ADAMTSL2: variants seen among roughly 807,000 people sequenced by gnomAD.
ADAMTSL2 encodes the protein ADAMTS-like protein 2.
Under a neutral mutation model 117.0 loss-of-function variants are expected in ADAMTSL2, and 55 were observed. That is an observed-to-expected ratio of 0.47 (90% confidence interval 0.38 to 0.59). The LOEUF is 0.59. Among genes scored for constraint, ADAMTSL2 ranks in the 20% least tolerant of loss-of-function variants. The pLI is 0.00. For missense variants in ADAMTSL2, 1,182 were observed against 1,354.5 expected, an observed-to-expected ratio of 0.87 and a Z score of 2.00; for synonymous variants, 572 against 566.4, an observed-to-expected ratio of 1.01 and a Z score of -0.14.
chr9:133,574,896 A>G lies in ADAMTSL2; in HGVS notation c.*32A>G. 6.5e-7 allele frequency: 1 copy of G among 1,532,380 alleles called. No homozygotes were observed. Among genetic ancestry groups the G allele is most frequent in the Non-Finnish European group, 9.0e-7 (1 of 1,115,826 alleles). 94.9% of individuals were successfully genotyped at this position (1,532,380 alleles called of 1,614,324 possible). On this transcript the variant is annotated 3_prime_UTR_variant, in exon 19 of 19. Transcript: ENST00000651351. Reference sequence around the variant, plus strand: ...CAGCTGCAGCCCCTTCCAGATGAAGACCAAGCGCCCCTCCTGGGGCTGCTG... The same window carrying G: ...CAGCTGCAGCCCCTTCCAGATGAAGGCCAAGCGCCCCTCCTGGGGCTGCTG...
chr9:133,541,630 C>G (rs1214325610), intron 7 of ADAMTSL2, among the ~76,000 whole-genome samples: 1 of 152,216 alleles, frequency 6.6e-6, no homozygotes, highest in African/African-American at 2.4e-5. Context: ...GCCCAAGACC[C>G]ATTCTCTCCA....
chr9:133,572,513 G>A (rs1831131058), intron 17 of ADAMTSL2, among the ~76,000 whole-genome samples: 1 of 152,174 alleles, frequency 6.6e-6, no homozygotes, highest in Non-Finnish European at 1.5e-5. Context: ...AGCCAGCCCA[G>A]GTCTGTAGTT....
Position 133,547,045 on chromosome 9 carries a change from A to G in ADAMTSL2, c.771A>G (p.Ala257=), listed in dbSNP as rs531270576. The change falls in exon 9 of 19, where the codon GCA becomes GCG. Residue 257 remains alanine, a synonymous_variant. Transcript: ENST00000651351. The part of the protein sequence containing the change: ...RKKSADVLAL[A]DEAGYYFFNG... ...GCGGCTTTGCCCTTCCAGCTCTTGC[A>G]GACGAAGCTGGCTACTACTTCTTCA... is the stretch of plus-strand genomic sequence containing the variant. 3.1e-6 allele frequency: 5 copies of G among 1,613,768 alleles called. No homozygotes were observed. The highest frequency in any genetic ancestry group is 4.5e-5 in the East Asian group (2 of 44,870).
Position 133,573,962 on chromosome 9 carries a change from G to T in ADAMTSL2, c.2712G>T (p.Leu904=). 1 of 1,613,794 alleles carries T rather than the reference G, an allele frequency of 6.2e-7. No homozygotes were observed. The highest frequency in any genetic ancestry group is 8.5e-7 in the Non-Finnish European group (1 of 1,179,980). The part of the protein sequence containing the change: ...VKPVGRQACD[L]QPCPTEPPDD... The stretch of plus-strand genomic sequence containing the variant: ...CCGTTGGCAGACAGGCCTGTGATCT[G>T]CAGCCCTGCCCCACGGAGCCCCCAG... The change falls in exon 18 of 19, where the codon CTG becomes CTT. Residue 904 remains leucine, a synonymous_variant. Coordinates refer to ENST00000651351, the MANE Select transcript of ADAMTSL2 (RefSeq NM_014694.4).
At chr9:133,537,162 C>G (rs979762578) in intron 2 of ADAMTSL2, among the ~76,000 whole-genome samples, 2 of 152,206 alleles carry the variant, frequency 1.3e-5, no homozygotes, top group African/African-American at 2.4e-5. Context: ...GCTTGCCAAG[C>G]CCCCAGGCCA....
At chr9:133,539,930 C>G (rs1346480489) in intron 5 of ADAMTSL2, 57 bp downstream of exon 5, 2 of 1,501,410 alleles carry the variant, frequency 1.3e-6, no homozygotes, top group African/African-American at 1.4e-5. Flanking sequence ...TTGGGGGTAG[C>G]CCTTCCGGCA....
chr9:133,539,587 C>G lies in ADAMTSL2; in HGVS notation c.310-184C>G, dbSNP rs538400527. Reference sequence around the variant, plus strand: ...AGCTGCCCTTTCCTGCGTCCTTGCTCCCTCCTGAGAGCGCATGGGAGCGCG... The same window carrying G: ...AGCTGCCCTTTCCTGCGTCCTTGCTGCCTCCTGAGAGCGCATGGGAGCGCG... On this transcript the variant is annotated intron_variant, in intron 4 of 18. Coordinates refer to ENST00000651351, the MANE Select transcript of ADAMTSL2 (RefSeq NM_014694.4). Among the ~76,000 whole-genome samples, 5 of 107,170 alleles carry G rather than the reference C, an allele frequency of 4.7e-5. No homozygotes were observed. In the South Asian group the frequency reaches 1.7e-3, roughly 37 times the overall value. The allele number at this position is 107,170 out of a possible 152,430, so 70.3% of individuals were successfully genotyped here.
chr9:133,561,549 T>G (rs942464926), intron 12 of ADAMTSL2, among the ~76,000 whole-genome samples: 15 of 152,204 alleles, frequency 9.9e-5, no homozygotes, highest in African/African-American at 3.4e-4. Context: ...TACCACCCAT[T>G]GGTGGTAGCC....
chr9:133,557,107 G>A lies in ADAMTSL2; in HGVS notation c.1649+1177G>A, dbSNP rs1179499244. On this transcript the variant is annotated intron_variant, in intron 11 of 18. Transcript: ENST00000651351. This position sits in a 1 kb window ranked among gnomAD's most constrained non-coding sequence, Gnocchi z 5.2. ...GAGTGGGTCTTCCTTGGGGCTCAGG[G>A]ACTGAATTTGATGGGAGATTCAGGG... Among the ~76,000 whole-genome samples the A allele has an allele frequency of 6.6e-6, 1 of 152,176 alleles. No homozygotes were observed. The highest frequency in any genetic ancestry group is 1.5e-5 in the Non-Finnish European group (1 of 68,026).
At position 133,567,165 on chromosome 9, in the gene ADAMTSL2, G is replaced by A. The variant is rs982341930; in HGVS notation, c.1874+103G>A. The A allele has an allele frequency of 1.9e-5, 28 of 1,441,304 alleles. No homozygotes were observed. In the African/African-American group the frequency reaches 2.1e-4, roughly 11 times the overall value. 89.3% of individuals were successfully genotyped at this position (1,441,304 alleles called of 1,614,324 possible). On this transcript the variant is annotated intron_variant, in intron 13 of 18. Coordinates refer to ENST00000651351, the MANE Select transcript of ADAMTSL2 (RefSeq NM_014694.4). ...ACCCCCTGCCCCGTAGAGGTTCTTC[G>A]TGTGCAGGGCCGTGGGGGCTCTTCG...
rs142777315 is a variant in ADAMTSL2 at position 133,544,477 on chromosome 9, T to C, written c.690T>C (p.Ser230=). ...YRKGNAHLGY[S]LVTHIPAGAR... ...TCATCCTTTTGCCTCCAGGTTACTC[T>C]CTGGTGACCCACATCCCGGCTGGTG... The change falls in exon 8 of 19, where the codon TCT becomes TCC. Residue 230 remains serine (S), a synonymous_variant. Coordinates refer to ENST00000651351, the MANE Select transcript of ADAMTSL2 (RefSeq NM_014694.4). 7.9e-4 allele frequency: 1,276 copies of C among 1,613,978 alleles called. 3 individuals are homozygous for C. The highest frequency in any genetic ancestry group is 8.2e-4 in the Non-Finnish European group (964 of 1,179,868).
intron 7 of ADAMTSL2, among the ~76,000 whole-genome samples, chr9:133,542,970 C>T (rs569315483): frequency 1.6e-4 from 24 of 150,574 alleles, no homozygotes; most frequent in South Asian, 8.4e-4. Flanking sequence ...TTTTTTGAGA[C>T]GGAGTTTTGT....
At chr9:133,539,373 G>A (rs905542284) in intron 4 of ADAMTSL2, among the ~76,000 whole-genome samples, 4 of 152,186 alleles carry the variant, frequency 2.6e-5, no homozygotes, top group South Asian at 2.1e-4. Context: ...GCATGGCCAC[G>A]GACCGTGTGC....
At chr9:133,568,203 G>T in intron 13 of ADAMTSL2, 70 bp from the exon 14 acceptor site, 1 of 1,474,652 alleles carries the variant, frequency 6.8e-7, no homozygotes, top group Non-Finnish European at 9.2e-7. Flanking sequence ...GTTGTCTCTG[G>T]GGGTGTGGGT....
intron 1 of ADAMTSL2, 150 bp downstream of exon 1, chr9:133,535,067 G>T: frequency 2.3e-6 from 3 of 1,278,356 alleles, no homozygotes. Flanking sequence ...GGGCCGCAGA[G>T]CACGGGGCAG....
At position 133,537,466 on chromosome 9, in the gene ADAMTSL2, G is replaced by A. The variant is rs1402725079; in HGVS notation, c.152G>A (p.Gly51Glu). ...ACCGACGCCACGGCCTTCTGGTGGG[G>A]GGAGTGGACCAAGTGGACGGCGTGT... is the stretch of plus-strand genomic sequence containing the variant. ...GGTDATAFWW[G>E]EWTKWTACSR... The change falls in exon 3 of 19, where the codon GGG becomes GAG. Residue 51 changes from glycine (G) to glutamate (E), a missense_variant. Around this residue, in one of 3 missense-constraint regions of ADAMTSL2, gnomAD observed 372 missense variants for 463.4 expected, o/e 0.80. Transcript: ENST00000651351. 1 of 1,361,748 alleles carries A rather than the reference G, an allele frequency of 7.3e-7. No homozygotes were observed. Among genetic ancestry groups the A allele is most frequent in the Non-Finnish European group, 9.5e-7 (1 of 1,049,048 alleles). The allele number at this position is 1,361,748 out of a possible 1,614,324, so 84.4% of individuals were successfully genotyped here. A position where few individuals can be genotyped will look rare whatever the true frequency, so the allele number is the denominator to read the frequency against.
chr9:133,534,998 G>A, intron 1 of ADAMTSL2, 81 bp downstream of exon 1: 1 of 1,314,546 alleles, frequency 7.6e-7, no homozygotes, highest in Non-Finnish European at 9.7e-7. Flanking sequence ...CTGGGGGTAG[G>A]AGCACCCCGC....
In ADAMTSL2 at chr9:133,569,594, C is replaced by G; in HGVS notation, c.2415+16C>G. ...CTGGGAGCGGGTGAGTGCCCCAGAG[C>G]CCGCGGAAGGGCCTCCTGGTATCTG... is the stretch of plus-strand genomic sequence containing the variant. On this transcript the variant is annotated intron_variant, in intron 16 of 18. Coordinates refer to ENST00000651351, the MANE Select transcript of ADAMTSL2 (RefSeq NM_014694.4). The G allele has an allele frequency of 6.4e-7, 1 of 1,556,402 alleles. No individual in the cohort carries two copies. The highest frequency in any genetic ancestry group is 8.7e-7 in the Non-Finnish European group (1 of 1,149,458).
chr9:133,539,934 T>C (rs1437266752), intron 5 of ADAMTSL2, 61 bp downstream of exon 5: 2 of 1,489,760 alleles, frequency 1.3e-6, no homozygotes, highest in Non-Finnish European at 1.8e-6. Flanking sequence ...GGGTAGCCCT[T>C]CCGGCACCTG....
Sources: allele counts gnomAD v4.1 joint callset (sites outside exome capture counted in the v4.1 genomes callset), GRCh38; gene constraint gnomAD v4.1.1; regional missense constraint gnomAD v4.1.1; non-coding constraint Gnocchi (gnomAD v3.1); transcripts MANE v1.5; gene names NCBI Gene and HGNC (gene_info 2026-07-23, HGNC 2026-07-21).